Variants in SRGAP1 observed in about 807,000 individuals in gnomAD.
SRGAP1 encodes SLIT-ROBO Rho GTPase activating protein 1.
A neutral mutation model predicts 121.9 loss-of-function variants in SRGAP1; 43 were observed. That is an observed-to-expected ratio of 0.35 (90% CI 0.28 to 0.46). SRGAP1 has a LOEUF of 0.46. Ranked by LOEUF, SRGAP1 falls within the 20% of genes least tolerant of loss-of-function variation. SRGAP1 has a pLI of 1.00. For synonymous variants in SRGAP1, 447 were observed against 485.4 expected (o/e 0.92, Z 1.04); for missense variants, 1,102 against 1,350.9 (o/e 0.82, Z 2.89).
intron 15 of SRGAP1, among the ~76,000 whole-genome samples, chr12:64,098,638 C>G (rs2036205049): frequency 6.6e-6 from 1 of 151,688 alleles, no homozygotes; most frequent in South Asian, 2.1e-4. Flanking sequence ...CCACTGCACT[C>G]CAGCCTCGGT....
intron 14 of SRGAP1, 122 bp downstream of exon 14, chr12:64,095,326 G>T: frequency 1.3e-6 from 1 of 754,518 alleles, no homozygotes; most frequent in Non-Finnish European, 2.2e-6. Flanking sequence ...TGCATTAGGG[G>T]TGCAGCAGTA....
At chr12:63,922,899 T>C (rs1260656996) in intron 1 of SRGAP1, among the ~76,000 whole-genome samples, 1 of 152,206 alleles carries the variant, frequency 6.6e-6, no homozygotes, top group Non-Finnish European at 1.5e-5. Context: ...GTTTAATTAC[T>C]GAAAGGACAA....
chr12:63,861,095 C>T (rs1021404682), intron 1 of SRGAP1, among the ~76,000 whole-genome samples: 1 of 149,722 alleles, frequency 6.7e-6, no homozygotes, highest in Non-Finnish European at 1.5e-5. Context: ...TATTTAATTT[C>T]TCAGTTATTA....
chr12:63,934,770 C>A (rs1434063898), intron 1 of SRGAP1, among the ~76,000 whole-genome samples: 8 of 152,124 alleles, frequency 5.3e-5, no homozygotes, highest in African/African-American at 1.9e-4. Context: ...AGCAGCTCAG[C>A]CCCTGCCTGG....
In SRGAP1 at chr12:64,148,770, A is replaced by C. The variant is rs971390225; in HGVS notation, c.*6098A>C. The C allele has an allele frequency of 2.0e-5, 3 of 152,218 alleles. No homozygotes were observed. The highest frequency in any genetic ancestry group is 7.2e-5 in the African/African-American group (3 of 41,462). The allele number at this position is 152,218 out of a possible 1,614,324, so 9.4% of individuals were successfully genotyped here. A position where few individuals can be genotyped will look rare whatever the true frequency, so the allele number is the denominator to read the frequency against. ...TGCAGAATACTAACAAAAGTGTGCA[A>C]ATCATTAGTGTAACAGTTCTCACGA... is the stretch of plus-strand genomic sequence containing the variant. On this transcript the variant is annotated 3_prime_UTR_variant, in exon 22 of 22. Transcript: ENST00000355086.
chr12:64,076,868 T>C (rs1012625076), intron 8 of SRGAP1, among the ~76,000 whole-genome samples: 35 of 152,256 alleles, frequency 2.3e-4, no homozygotes, highest in African/African-American at 6.7e-4. Context: ...GGTCTCGAAC[T>C]CCTGACCTCA....
At chr12:63,968,912 C>G (rs2032858292) in intron 1 of SRGAP1, among the ~76,000 whole-genome samples, 1 of 152,146 alleles carries the variant, frequency 6.6e-6, no homozygotes, top group Non-Finnish European at 1.5e-5. Flanking sequence ...AGGCTCAATG[C>G]CATCCATTCA....
intron 6 of SRGAP1, among the ~76,000 whole-genome samples, chr12:64,051,185 T>C (rs2035232844): frequency 1.3e-5 from 2 of 152,228 alleles, no homozygotes; most frequent in South Asian, 4.1e-4. Context: ...GGGTTCAAGT[T>C]AAGCACTTTG....
intron 6 of SRGAP1, among the ~76,000 whole-genome samples, chr12:64,044,099 GTC>G (rs1469813823): frequency 6.6e-6 from 1 of 152,156 alleles, no homozygotes; most frequent in Non-Finnish European, 1.5e-5. Context: ...ATGTAACTAA[GTC>G]TCTGTACATT....
intron 1 of SRGAP1, among the ~76,000 whole-genome samples, chr12:63,869,624 A>C (rs187398759): frequency 6.6e-6 from 1 of 152,136 alleles, no homozygotes; most frequent in South Asian, 2.1e-4. Context: ...ATAAGTATTC[A>C]CTATGTCATT....
intron 15 of SRGAP1, among the ~76,000 whole-genome samples, chr12:64,101,351 G>GTGTGTGTGTGT (rs1593127447): frequency 2.0e-5 from 3 of 149,754 alleles, no homozygotes; most frequent in Non-Finnish European, 4.4e-5. Context: ...GTGTGTGTGT[G>GTGTGTGTGTGT]ATGAGTAGTT....
chr12:64,084,631 A>G lies in SRGAP1; in HGVS notation c.1409-2368A>G, dbSNP rs374189662. Among the ~76,000 whole-genome samples, 6 of 152,294 alleles carry G rather than the reference A, an allele frequency of 3.9e-5. No homozygotes were observed. In the South Asian group the frequency reaches 8.3e-4, roughly 21 times the overall value. On this transcript the variant is annotated intron_variant, in intron 10 of 21. Coordinates refer to ENST00000355086, the MANE Select transcript of SRGAP1 (RefSeq NM_020762.4). ...AAAGCACGCTCTTGGTTCATTATTC[A>G]AAATGTATCTTTTATAGGTTTTTAA...
Position 64,160,034 on chromosome 12 carries a change from T to A in SRGAP1, c.*17362T>A, listed in dbSNP as rs2037198296. The A allele has an allele frequency of 6.6e-6, 1 of 152,214 alleles. No individual in the cohort carries two copies. Among genetic ancestry groups the A allele is most frequent in the Non-Finnish European group, 1.5e-5 (1 of 68,044 alleles). The allele number at this position is 152,214 out of a possible 1,614,324, so 9.4% of individuals were successfully genotyped here. On this transcript the variant is annotated 3_prime_UTR_variant, in exon 22 of 22. Coordinates refer to ENST00000355086, the MANE Select transcript of SRGAP1 (RefSeq NM_020762.4). ...AGGTAAAAATTCCTTCTCAAAAATC[T>A]TTTACAGAAGTGTTCTCAAACTCAA...
intron 2 of SRGAP1, among the ~76,000 whole-genome samples, chr12:63,986,691 G>A (rs1163686365): frequency 6.6e-6 from 1 of 152,180 alleles, no homozygotes; most frequent in African/African-American, 2.4e-5. Context: ...CCAAAGTACA[G>A]GGATGACAGG....
intron 8 of SRGAP1, among the ~76,000 whole-genome samples, chr12:64,065,955 T>A (rs372390642): frequency 6.6e-6 from 1 of 152,378 alleles, no homozygotes; most frequent in East Asian, 1.9e-4. Context: ...AGGAAGCAAT[T>A]ATACAATTCA....
rs1339868650 is a variant in SRGAP1 at position 64,150,933 on chromosome 12, T to TAAAAAAAAAAAAAAAAAA, written c.*8261_*8262insAAAAAAAAAAAAAAAAAA. On this transcript the variant is annotated 3_prime_UTR_variant, in exon 22 of 22. Coordinates refer to ENST00000355086, the MANE Select transcript of SRGAP1 (RefSeq NM_020762.4). ...CTGGGTGGAAGAGTGAGAAGCTATC[T>TAAAAAAAAAAAAAAAAAA]CAAAAAAAAAAAAAAAAAAAAAAAA... 1 of 17,326 alleles carries TAAAAAAAAAAAAAAAAAA rather than the reference T, an allele frequency of 5.8e-5. No homozygotes were observed. Among genetic ancestry groups the TAAAAAAAAAAAAAAAAAA allele is most frequent in the Non-Finnish European group, 1.3e-4 (1 of 7,540 alleles). 1.1% of individuals were successfully genotyped at this position (17,326 alleles called of 1,614,324 possible). A position where few individuals can be genotyped will look rare whatever the true frequency, so the allele number is the denominator to read the frequency against.
chr12:63,889,669 G>A lies in SRGAP1; in HGVS notation c.67+44786G>A, dbSNP rs141575228. Among the ~76,000 whole-genome samples, 558 of 152,184 alleles carry A rather than the reference G, an allele frequency of 3.7e-3. 1 individual carries two copies. Among genetic ancestry groups the A allele is most frequent in the African/African-American group, 0.012 (516 of 41,496 alleles). On this transcript the variant is annotated intron_variant, in intron 1 of 21. Transcript: ENST00000355086. ...TCACGCCTGTAATCCCAGCACTTTG[G>A]GAGGCCAAGGCAGGCAGATCATGAG...
chr12:64,000,239 G>T lies in SRGAP1; in HGVS notation c.426+10167G>T, dbSNP rs911971704. ...AAGAACATTGGTCAAGAAAGGTAGG[G>T]GTGTGTGTGTGTGTGTGTGTGTGTG... is the stretch of plus-strand genomic sequence containing the variant. On this transcript the variant is annotated intron_variant, in intron 3 of 21. Transcript: ENST00000355086. 1.5e-4 allele frequency among the ~76,000 whole-genome samples: 20 copies of T among 131,552 alleles called. No individual in the cohort carries two copies. In the South Asian group the frequency reaches 3.8e-3, roughly 25 times the overall value. 86.3% of individuals were successfully genotyped at this position (131,552 alleles called of 152,430 possible).
At chr12:63,856,464 T>G (rs1359441511) in intron 1 of SRGAP1, among the ~76,000 whole-genome samples, 2 of 152,196 alleles carry the variant, frequency 1.3e-5, no homozygotes, top group Non-Finnish European at 2.9e-5. Flanking sequence ...TGTTTTTAAT[T>G]CATCTGAAGT....
Sources: allele counts gnomAD v4.1 joint callset (sites outside exome capture counted in the v4.1 genomes callset), GRCh38; gene constraint gnomAD v4.1.1; transcripts MANE v1.5; gene names NCBI Gene and HGNC (gene_info 2026-07-23, HGNC 2026-07-21).